LARP1B: variants seen among roughly 807,000 people sequenced by gnomAD.
The protein encoded by LARP1B is La ribonucleoprotein 1B.
A neutral mutation model predicts 114.2 loss-of-function variants in LARP1B; 76 were observed. The ratio of observed to expected loss-of-function variants is 0.67; its 90% CI spans 0.55 to 0.81. LARP1B has a LOEUF of 0.81. Ranked by LOEUF, LARP1B falls within the 30% of genes least tolerant of loss-of-function variation. The pLI, the probability that LARP1B is intolerant of heterozygous loss-of-function variation, is 0.00. For missense variants in LARP1B, 1,014 were observed against 1,075.8 expected, an observed-to-expected ratio of 0.94 and a Z score of 0.80; for synonymous variants, 345 against 348.0, an observed-to-expected ratio of 0.99 and a Z score of 0.10.
intron 11 of LARP1B, among the ~76,000 whole-genome samples, chr4:128,150,803 C>A (rs1220589737): frequency 2.0e-5 from 3 of 152,042 alleles, no homozygotes; most frequent in African/African-American, 7.2e-5. Context: ...TTGGACCTAC[C>A]ATCAGACTGT....
intron 1 of LARP1B, 46 bp downstream of exon 1, chr4:128,061,447 G>GGTAGCGGGCACCA: frequency 6.4e-6 from 1 of 157,166 alleles, no homozygotes; most frequent in Non-Finnish European, 1.4e-5. Context: ...GCGTGGTGGC[G>GGTAGCGGGCACCA]GGCTCGGGGC....
chr4:128,201,471 G>A (rs532862654), intron 17 of LARP1B, among the ~76,000 whole-genome samples: 1 of 152,148 alleles, frequency 6.6e-6, no homozygotes, highest in Non-Finnish European at 1.5e-5. Context: ...AAAAAGCAAG[G>A]CCTCTCACAA....
chr4:128,073,191 A>G (rs1766045981), intron 1 of LARP1B, among the ~76,000 whole-genome samples: 1 of 151,970 alleles, frequency 6.6e-6, no homozygotes, highest in Non-Finnish European at 1.5e-5. Context: ...AGGTGGGCGG[A>G]TTACTTGAGG....
At chr4:128,172,644 G>A (rs1028770019) in intron 12 of LARP1B, among the ~76,000 whole-genome samples, 11 of 151,894 alleles carry the variant, frequency 7.2e-5, no homozygotes, top group African/African-American at 2.7e-4. Flanking sequence ...GGTGAGCCAA[G>A]ATCAAACCAC....
At chr4:128,179,734 A>T (rs997318292) in intron 15 of LARP1B, among the ~76,000 whole-genome samples, 10 of 152,192 alleles carry the variant, frequency 6.6e-5, no homozygotes, top group African/African-American at 2.4e-4. Flanking sequence ...ATTTTTCACA[A>T]ATGTGAACTC....
At chr4:128,167,430 A>G (rs1581215273) in intron 12 of LARP1B, among the ~76,000 whole-genome samples, 1 of 151,936 alleles carries the variant, frequency 6.6e-6, no homozygotes, top group East Asian at 1.9e-4. Flanking sequence ...CATTCTTGCT[A>G]TTGAGTTGTC....
intron 7 of LARP1B, among the ~76,000 whole-genome samples, chr4:128,221,320 T>C (rs1760015107): frequency 6.6e-6 from 1 of 152,190 alleles, no homozygotes; most frequent in African/African-American, 2.4e-5. Context: ...TTATTTAGGG[T>C]TATTATTGAC....
At chr4:128,065,423 T>A (rs1024259419) in intron 1 of LARP1B, among the ~76,000 whole-genome samples, 1 of 151,090 alleles carries the variant, frequency 6.6e-6, no homozygotes, top group African/African-American at 2.4e-5. Flanking sequence ...TTTCCCAGGC[T>A]GGTCTTGAAC....
At chr4:128,077,657 A>T in intron 3 of LARP1B, 131 bp from the exon 4 acceptor site, 1 of 912,352 alleles carries the variant, frequency 1.1e-6, no homozygotes, top group Non-Finnish European at 1.6e-6. Context: ...TTTGAAAAGT[A>T]ATTTTTTGCC....
At chr4:128,180,230 G>A (rs1161525177) in intron 15 of LARP1B, among the ~76,000 whole-genome samples, 1 of 152,030 alleles carries the variant, frequency 6.6e-6, no homozygotes, top group Non-Finnish European at 1.5e-5. Context: ...GGGATTACAG[G>A]CATGAGCCAC....
Position 128,209,924 on chromosome 4 carries a change from T to C in LARP1B, c.2616T>C (p.His872=), listed in dbSNP as rs773804833. 29 of 1,613,870 alleles carry C rather than the reference T, an allele frequency of 1.8e-5. No individual in the cohort carries two copies. In the African/African-American group the frequency reaches 3.5e-4, roughly 19 times the overall value. ...CTTCTGGTGAGGAGAGTAATCGTCATAGACTTCCACCTAATTCCTCTACAA... is the reference window on the plus strand; with the variant it reads ...CTTCTGGTGAGGAGAGTAATCGTCACAGACTTCCACCTAATTCCTCTACAA... ...SSTSGEESNR[H]RLPPNSSTKP... Residue 872 remains histidine (H), a synonymous_variant, in exon 20 of 20, where the codon CAT becomes CAC. Coordinates refer to ENST00000326639, the MANE Select transcript of LARP1B (RefSeq NM_018078.4).
chr4:128,072,432 A>G (rs2149360960), intron 1 of LARP1B, among the ~76,000 whole-genome samples: 1 of 152,364 alleles, frequency 6.6e-6, no homozygotes, highest in Non-Finnish European at 1.5e-5. Flanking sequence ...AATTTCCTCA[A>G]CTGGCTTGCT....
At chr4:128,146,883 C>T (rs977866856) in intron 11 of LARP1B, among the ~76,000 whole-genome samples, 3 of 152,096 alleles carry the variant, frequency 2.0e-5, no homozygotes, top group Non-Finnish European at 2.9e-5. Context: ...AAAACTAGGT[C>T]CTAAATAACG....
intron 11 of LARP1B, among the ~76,000 whole-genome samples, chr4:128,126,113 CTTTTTTT>C (rs76050129): frequency 1.5e-5 from 2 of 136,032 alleles, no homozygotes; most frequent in African/African-American, 3.0e-5. Flanking sequence ...TTAAAATAAT[CTTTTTTT>C]TTTTTTTTTT....
At chr4:128,159,960 C>A (rs1193836993) in intron 11 of LARP1B, among the ~76,000 whole-genome samples, 1 of 152,076 alleles carries the variant, frequency 6.6e-6, no homozygotes, top group Non-Finnish European at 1.5e-5. Flanking sequence ...GAGAAAGGAC[C>A]CAAATGCTCA....
chr4:128,204,603 C>T (rs941604650), intron 17 of LARP1B, among the ~76,000 whole-genome samples: 1 of 150,298 alleles, frequency 6.7e-6, no homozygotes, highest in African/African-American at 2.5e-5. Flanking sequence ...TGCAGTGAGC[C>T]GAGATCGCAC....
intron 1 of LARP1B, chr4:128,062,140 C>T (rs1760385474): frequency 1.0e-6 from 1 of 985,274 alleles, no homozygotes; most frequent in Admixed American, 6.1e-5. Context: ...AGGGAAATCC[C>T]TGGACCAAAA....
At chr4:128,122,701 T>G in intron 11 of LARP1B, 1 of 1,301,530 alleles carries the variant, frequency 7.7e-7, no homozygotes, top group Non-Finnish European at 9.7e-7. Flanking sequence ...TATAAATGAC[T>G]AAACTGGATG....
intron 11 of LARP1B, among the ~76,000 whole-genome samples, chr4:128,125,652 A>C (rs1789327482): frequency 6.6e-6 from 1 of 152,236 alleles, no homozygotes; most frequent in South Asian, 2.1e-4. Context: ...GGCTGAAGGC[A>C]GGAGAATCAC....
Sources: allele counts gnomAD v4.1 joint callset (sites outside exome capture counted in the v4.1 genomes callset), GRCh38; gene constraint gnomAD v4.1.1; transcripts MANE v1.5; gene names NCBI Gene and HGNC (gene_info 2026-07-23, HGNC 2026-07-21).